The following POLE variants were observed in gnomAD, a reference collection of about 807,000 sequenced individuals.
POLE encodes the protein DNA polymerase epsilon catalytic subunit A.
In POLE, 188 loss-of-function variants were observed where a neutral mutation model predicts 279.2. That is an observed-to-expected ratio of 0.67 (90% CI 0.60 to 0.76). The LOEUF (loss-of-function observed/expected upper bound fraction) is 0.76, where lower values mean the gene tolerates loss of function less well. Ranked by LOEUF, POLE falls within the 30% of genes least tolerant of loss-of-function variation. POLE has a pLI of 0.00. For missense variants in POLE, 2,703 were observed against 3,016.7 expected, an observed-to-expected ratio of 0.90 and a Z score of 2.44; for synonymous variants, 1,214 against 1,172.5, an observed-to-expected ratio of 1.04 and a Z score of -0.72.
chr12:132,627,333 C>G (rs2041858714), intron 45 of POLE, among the ~76,000 whole-genome samples: 1 of 152,042 alleles, frequency 6.6e-6, no homozygotes, highest in Non-Finnish European at 1.5e-5. Context: ...GGATTTCACT[C>G]TGTCACCCAG....
Position 132,665,293 on chromosome 12 carries a change from C to A in POLE, c.2468+9G>T, listed in dbSNP as rs2042767735. The stretch of plus-strand genomic sequence containing the variant: ...CCCATAAGCCTCTCCCGGGCCCGGG[C>A]CCACCTACCCCTTGCGCATGACATA... On this transcript the variant is annotated intron_variant, in intron 21 of 48. Coordinates refer to ENST00000320574, the MANE Select transcript of POLE (RefSeq NM_006231.4). The A allele has an allele frequency of 1.2e-6, 2 of 1,610,702 alleles. No individual in the cohort carries two copies. Among genetic ancestry groups the A allele is most frequent in the Admixed American group, 1.7e-5 (1 of 59,872 alleles).
chr12:132,625,983 T>C, intron 46 of POLE, 134 bp downstream of exon 46: 9 of 1,120,430 alleles, frequency 8.0e-6, no homozygotes, highest in Non-Finnish European at 1.2e-5. Flanking sequence ...GGAAGGGGCC[T>C]GTTGCCAATC....
At position 132,665,422 on chromosome 12, in the gene POLE, A is replaced by G. The variant is rs1269621526; in HGVS notation, c.2348T>C (p.Val783Ala). 1 of 1,612,020 alleles carries G rather than the reference A, an allele frequency of 6.2e-7. No homozygotes were observed. Among genetic ancestry groups the G allele is most frequent in the African/African-American group, 1.3e-5 (1 of 74,854 alleles). ...CACCTCAGCCGCGTCGCCCACCTCC[A>G]CGGCCGCCGAGAGCTTCTTTTTCCA... is the stretch of plus-strand genomic sequence containing the variant. Reference protein sequence around the residue: ...KVWKKKLSAAVEVGDAAEVKR... With the variant: ...KVWKKKLSAAAEVGDAAEVKR... Residue 783 changes from valine to alanine, a missense_variant, in exon 21 of 49, where the codon GTG becomes GCG. Around this residue, in one of 5 missense-constraint regions of POLE, gnomAD observed 1,011 missense variants for 1,111.7 expected, o/e 0.91. Coordinates refer to ENST00000320574, the MANE Select transcript of POLE (RefSeq NM_006231.4).
chr12:132,686,538 C>A (rs1415183974), intron 1 of POLE, among the ~76,000 whole-genome samples: 2 of 152,036 alleles, frequency 1.3e-5, no homozygotes, highest in African/African-American at 4.8e-5. Flanking sequence ...AGTTCGAGAC[C>A]AGCCTGGCCA....
Position 132,642,748 on chromosome 12 carries a change from G to C in POLE, c.4729-19C>G, listed in dbSNP as rs939422863. 5 of 1,613,462 alleles carry C rather than the reference G, an allele frequency of 3.1e-6. No individual in the cohort carries two copies. The highest frequency in any genetic ancestry group is 4.2e-6 in the Non-Finnish European group (5 of 1,179,758). ...GCTCCTCCTGGGTCAAGGCAAAATG[G>C]AAGAAAAGACCTGGGTGGACCCAGC... On this transcript the variant is annotated intron_variant, in intron 36 of 48. Transcript: ENST00000320574.
chr12:132,679,280 AC>A, intron 6 of POLE, among the ~76,000 whole-genome samples: 1 of 152,138 alleles, frequency 6.6e-6, no homozygotes, highest in Non-Finnish European at 1.5e-5. Flanking sequence ...CCATAAACCC[AC>A]CCCTCCATTG....
intron 41 of POLE, among the ~76,000 whole-genome samples, chr12:132,637,591 G>C (rs2042058542): frequency 6.6e-6 from 1 of 152,226 alleles, no homozygotes; most frequent in Non-Finnish European, 1.5e-5. Flanking sequence ...TGACAGCTGA[G>C]AGCTGTGCAC....
At chr12:132,628,243 G>A (rs2041873140) in intron 45 of POLE, among the ~76,000 whole-genome samples, 1 of 152,202 alleles carries the variant, frequency 6.6e-6, no homozygotes, top group Non-Finnish European at 1.5e-5. Context: ...TCGGGAGGCT[G>A]AGGCAGGAGA....
rs995585765 is a variant in POLE, at chr12:132,673,170, G to A, written c.1467C>T (p.Pro489=). 5.2e-5 allele frequency: 84 copies of A among 1,601,232 alleles called. No individual in the cohort carries two copies. Among genetic ancestry groups the A allele is most frequent in the Middle Eastern group, 1.7e-4 (1 of 6,030 alleles). ...CAGGACAGATAATGCTCACCTCGTC[G>A]GGCTCCATGGGAATAATGGTGCACA... is the stretch of plus-strand genomic sequence containing the variant. ...FALCTIIPME[P]DEVLRKGSGT... The change falls in exon 14 of 49, where the codon CCC becomes CCT. Residue 489 remains proline (P), a synonymous_variant. Coordinates refer to ENST00000320574, the MANE Select transcript of POLE (RefSeq NM_006231.4).
chr12:132,687,272 G>A lies in POLE; in HGVS notation c.44C>T (p.Ala15Val), dbSNP rs1565986587. 3 of 1,500,258 alleles carry A rather than the reference G, an allele frequency of 2.0e-6. No homozygotes were observed. Among genetic ancestry groups the A allele is most frequent in the Admixed American group, 4.2e-5 (2 of 47,922 alleles). 92.9% of individuals were successfully genotyped at this position (1,500,258 alleles called of 1,614,324 possible). A position where few individuals can be genotyped will look rare whatever the true frequency, so the allele number is the denominator to read the frequency against. Residue 15 changes from alanine (A) to valine (V), a missense_variant, in exon 1 of 49, where the codon GCG becomes GTG. Around this residue, in one of 5 missense-constraint regions of POLE, gnomAD observed 1,011 missense variants for 1,111.7 expected, o/e 0.91. Coordinates refer to ENST00000320574, the MANE Select transcript of POLE (RefSeq NM_006231.4). ...CCCTCACCTGCTGGCCTCGCCATCCGCGCCTGGGTCCGCGCGCCGCCGCCC... is the reference window on the plus strand; with the variant it reads ...CCCTCACCTGCTGGCCTCGCCATCCACGCCTGGGTCCGCGCGCCGCCGCCC... ...SGGRRRADPGADGEASRDDGA... is the reference protein window; with the variant it reads ...SGGRRRADPGVDGEASRDDGA...
chr12:132,648,933 C>T lies in POLE; in HGVS notation c.4145G>A (p.Arg1382His), dbSNP rs143229302. Reference protein sequence around the residue: ...VAKAEEGASYRKVNRVLPRSN... With the variant: ...VAKAEEGASYHKVNRVLPRSN... ...GCAGCACCAGCTCCTCCCTACCTTG[C>T]GATACGAAGCACCCTCCTCCGCTTT... is the stretch of plus-strand genomic sequence containing the variant. The change falls in exon 32 of 49, where the codon CGC (arginine) becomes CAC (histidine). Residue 1382 changes from arginine (R) to histidine (H), a missense_variant. By Grantham distance (29) the Arg-to-His change is conservative. Transcript: ENST00000320574. 3.9e-5 allele frequency: 63 copies of T among 1,611,214 alleles called. No homozygotes were observed. The Admixed American group carries it at 4.0e-4, about 10-fold the overall frequency.
Position 132,680,661 on chromosome 12 carries a change from G to A in POLE, c.231C>T (p.Arg77=). The A allele has an allele frequency of 6.2e-7, 1 of 1,613,906 alleles. No homozygotes were observed. The highest frequency in any genetic ancestry group is 2.2e-5 in the East Asian group (1 of 44,878). ...HPTEILDEDK[R]LGSAVDYYFI... ...AGTAGTAATCCACTGCACTGCCTAA[G>A]CGCTTATCTTCATCTAAAATCTCGG... The change falls in exon 3 of 49, where the codon CGC becomes CGT. Residue 77 remains arginine, a synonymous_variant. Transcript: ENST00000320574.
intron 1 of POLE, among the ~76,000 whole-genome samples, chr12:132,683,659 T>A (rs1465305822): frequency 6.6e-6 from 1 of 152,196 alleles, no homozygotes; most frequent in Non-Finnish European, 1.5e-5. Context: ...CAGATCTTTA[T>A]CAAAATCAAG....
In POLE at chr12:132,642,947, T is replaced by C. The variant is rs2138542120; in HGVS notation, c.4601A>G (p.His1534Arg). 6.2e-7 allele frequency: 1 copy of C among 1,611,286 alleles called. No individual in the cohort carries two copies. The highest frequency in any genetic ancestry group is 2.2e-5 in the East Asian group (1 of 44,880). Residue 1534 changes from histidine to arginine, a missense_variant, in exon 36 of 49, where the codon CAC (histidine) becomes CGC (arginine). Physicochemically the swap from His to Arg is conservative, Grantham distance 29 (BLOSUM62 0). Around this residue, in one of 5 missense-constraint regions of POLE, gnomAD observed 1,551 missense variants for 1,686.1 expected, o/e 0.92. Transcript: ENST00000320574. Reference protein sequence around the residue: ...PSLGALYSAEHGLLLEKVGPE... With the variant: ...PSLGALYSAERGLLLEKVGPE... Reference sequence around the variant, plus strand: ...GCCCACCTTCTCCAGGAGGAGGCCGTGCTCTGCTGAGTACAGGGCGCCAAG... The same window carrying C: ...GCCCACCTTCTCCAGGAGGAGGCCGCGCTCTGCTGAGTACAGGGCGCCAAG...
Position 132,643,566 on chromosome 12 carries a change from A to C in POLE, c.4291-6T>G, listed in dbSNP as rs376329838. On this transcript the variant is annotated splice_polypyrimidine_tract_variant and splice_region_variant and intron_variant, in intron 33 of 48. Transcript: ENST00000320574. ...GCCCGGAACAGTAACGGAACCTGGA[A>C]GAATCGGGCAGACAGGCCGGCAAGG... The C allele has an allele frequency of 6.2e-7, 1 of 1,613,980 alleles. No individual in the cohort carries two copies. Among genetic ancestry groups the C allele is most frequent in the East Asian group, 2.2e-5 (1 of 44,884 alleles).
Position 132,624,784 on chromosome 12 carries a change from G to C in POLE, c.6774C>G (p.Phe2258Leu), listed in dbSNP as rs1209347208. ...TGCCGTAGTGCTGGGCAATGTTCCG[G>C]AATATTCCGATCTGTTCCATGAAGA... ...TQVFMEQIGI[F>L]RNIAQHYGMS... The change falls in exon 49 of 49, where the codon TTC becomes TTG. Residue 2258 changes from phenylalanine to leucine, a missense_variant. Transcript: ENST00000320574. The C allele has an allele frequency of 6.2e-7, 1 of 1,613,108 alleles. No individual in the cohort carries two copies. Among genetic ancestry groups the C allele is most frequent in the East Asian group, 2.2e-5 (1 of 44,898 alleles).
chr12:132,687,232 GC>G (rs1565986453), intron 1 of POLE, 21 bp downstream of exon 1: 2 of 1,454,134 alleles, frequency 1.4e-6, no homozygotes, highest in Middle Eastern at 4.9e-4. Flanking sequence ...CGGCCCGAGA[GC>G]CTCAGGAGGG....
chr12:132,638,418 A>G (rs544935839), intron 40 of POLE: 36 of 232,602 alleles, frequency 1.5e-4, no homozygotes, highest in African/African-American at 6.8e-4. Context: ...TCGATATTTA[A>G]TAAGAGAAGA....
chr12:132,625,707 T>C lies in POLE; in HGVS notation c.6595A>G (p.Ile2199Val). 2 of 1,613,692 alleles carry C rather than the reference T, an allele frequency of 1.2e-6. No homozygotes were observed. Among genetic ancestry groups the C allele is most frequent in the Non-Finnish European group, 1.7e-6 (2 of 1,180,026 alleles). Residue 2199 changes from isoleucine (I) to valine (V), a missense_variant, in exon 47 of 49, where the codon ATC becomes GTC. Ile to Val is a conservative substitution (Grantham distance 29, BLOSUM62 3). This residue lies in a region of POLE where 1,551 missense variants were observed against 1,686.1 expected (regional missense o/e 0.92). Transcript: ENST00000320574. ...NCQAPYDSSAIEMTLVEVLQK... is the reference protein window; with the variant it reads ...NCQAPYDSSAVEMTLVEVLQK... ...AGAACTTCCACCAGCGTCATCTCGA[T>C]GGCAGAGGAGTCGTAGGGCGCCTGA...
Sources: allele counts gnomAD v4.1 joint callset (sites outside exome capture counted in the v4.1 genomes callset), GRCh38; gene constraint gnomAD v4.1.1; regional missense constraint gnomAD v4.1.1; transcripts MANE v1.5; gene names NCBI Gene and HGNC (gene_info 2026-07-23, HGNC 2026-07-21).